The following CADM2 variants were observed in gnomAD, a reference collection of about 807,000 sequenced individuals.
CADM2 encodes the protein immunoglobulin superfamily member 4D.
A neutral mutation model predicts 49.8 loss-of-function variants in CADM2; 12 were observed. The ratio of observed to expected loss-of-function variants is 0.24; its 90% CI spans 0.15 to 0.39. The LOEUF (loss-of-function observed/expected upper bound fraction) is 0.39, where lower values mean the gene tolerates loss of function less well. Among genes scored for constraint, CADM2 ranks in the 10% least tolerant of loss-of-function variants. The pLI is 1.00. For missense variants in CADM2, 378 were observed against 492.3 expected, an observed-to-expected ratio of 0.77 and a Z score of 2.20; for synonymous variants, 214 against 175.4, an observed-to-expected ratio of 1.22 and a Z score of -1.74.
At chr3:85,047,515 T>C (rs865839108) in intron 1 of CADM2, among the ~76,000 whole-genome samples, 4 of 152,144 alleles carry the variant, frequency 2.6e-5, no homozygotes, top group Admixed American at 6.6e-5. Flanking sequence ...AGCAAGACCC[T>C]GCAATGTGTG....
chr3:86,009,550 A>G (rs974902918), intron 8 of CADM2, among the ~76,000 whole-genome samples: 3 of 151,844 alleles, frequency 2.0e-5, no homozygotes, highest in African/African-American at 7.2e-5. Flanking sequence ...TAGTTATATA[A>G]CATATTTTGT....
intron 1 of CADM2, among the ~76,000 whole-genome samples, chr3:85,398,986 G>A (rs1038148316): frequency 2.0e-5 from 3 of 151,980 alleles, no homozygotes; most frequent in African/African-American, 7.3e-5. Context: ...TCTTTTGCTG[G>A]CCAGAAGCTC....
chr3:85,558,133 GAA>G lies in CADM2; in HGVS notation c.62-168387_62-168386del, dbSNP rs780750430. On this transcript the variant is annotated intron_variant, in intron 1 of 9. Transcript: ENST00000383699. ...TGTGAGTGTGTGTGTGTGTAAGAGA[GAA>G]AGGCGTTATGTTCTCTTTGTTTCTC... Among the ~76,000 whole-genome samples the G allele has an allele frequency of 2.6e-4, 40 of 152,066 alleles. No individual in the cohort carries two copies. The East Asian group carries it at 4.6e-3, about 18-fold the overall frequency.
intron 1 of CADM2, among the ~76,000 whole-genome samples, chr3:85,661,852 C>G (rs1294182530): frequency 1.3e-5 from 2 of 151,906 alleles, no homozygotes; most frequent in African/African-American, 2.4e-5. Flanking sequence ...TAGTCAATAA[C>G]AATTTTAAGT....
intron 1 of CADM2, among the ~76,000 whole-genome samples, chr3:85,383,503 C>CATATATATATATATAT (rs1241135851): frequency 2.3e-4 from 25 of 109,238 alleles, no homozygotes; most frequent in Non-Finnish European, 3.6e-4. Flanking sequence ...TACATAAAAC[C>CATATATATATATATAT]ATATATATAT....
chr3:85,057,500 GTT>G lies in CADM2; in HGVS notation c.61+97833_61+97834del, dbSNP rs1444717527. 5.9e-5 allele frequency among the ~76,000 whole-genome samples: 9 copies of G among 152,108 alleles called. No individual in the cohort carries two copies. The East Asian group carries it at 1.7e-3, about 30-fold the overall frequency. ...ACTAACATCATATACTAACTTTGAT[GTT>G]AGTTACTAACTTTGATGTTAGTTAC... is the stretch of plus-strand genomic sequence containing the variant. On this transcript the variant is annotated intron_variant, in intron 1 of 9. Coordinates refer to ENST00000383699, the MANE Select transcript of CADM2 (RefSeq NM_001167675.2).
intron 8 of CADM2, among the ~76,000 whole-genome samples, chr3:86,045,265 C>T (rs548146585): frequency 6.6e-6 from 1 of 152,002 alleles, no homozygotes; most frequent in Admixed American, 6.6e-5. Context: ...TACTTATTAC[C>T]ATGGGAACTG....
intron 1 of CADM2, among the ~76,000 whole-genome samples, chr3:85,663,682 A>T (rs2065477947): frequency 6.6e-6 from 1 of 151,978 alleles, no homozygotes; most frequent in Admixed American, 6.6e-5. Flanking sequence ...TTCCTCCATC[A>T]GATGTTTTCA....
intron 1 of CADM2, among the ~76,000 whole-genome samples, chr3:85,417,103 A>T (rs2035952541): frequency 6.6e-6 from 1 of 152,176 alleles, no homozygotes; most frequent in Non-Finnish European, 1.5e-5. Flanking sequence ...CTTAAAAAAA[A>T]CTTTATAAAA....
At chr3:85,062,696 C>G (rs1455901246) in intron 1 of CADM2, among the ~76,000 whole-genome samples, 1 of 151,700 alleles carries the variant, frequency 6.6e-6, no homozygotes, top group African/African-American at 2.4e-5. Context: ...ATAAATATGA[C>G]AATTTTATTT....
intron 1 of CADM2, among the ~76,000 whole-genome samples, chr3:85,098,126 G>T (rs1323592828): frequency 6.6e-6 from 1 of 152,064 alleles, no homozygotes; most frequent in Non-Finnish European, 1.5e-5. Flanking sequence ...GTCTTTGTCT[G>T]CATGATAAAA....
At chr3:85,055,548 T>G (rs960167179) in intron 1 of CADM2, among the ~76,000 whole-genome samples, 1 of 152,078 alleles carries the variant, frequency 6.6e-6, no homozygotes, top group Non-Finnish European at 1.5e-5. Flanking sequence ...CTTACACATT[T>G]TATATGCATA....
intron 1 of CADM2, among the ~76,000 whole-genome samples, chr3:85,179,011 C>G (rs2040858003): frequency 1.3e-5 from 2 of 151,880 alleles, no homozygotes; most frequent in Non-Finnish European, 2.9e-5. Flanking sequence ...TACTATACAT[C>G]TCCATGACTA....
chr3:85,231,526 TAGTC>T (rs373178469), intron 1 of CADM2, among the ~76,000 whole-genome samples: 383 of 152,198 alleles, frequency 2.5e-3, no homozygotes, highest in African/African-American at 7.9e-3. Flanking sequence ...TAAGATATTA[TAGTC>T]AATATTTCTC....
intron 1 of CADM2, among the ~76,000 whole-genome samples, chr3:85,066,606 A>T (rs1044287651): frequency 1.3e-5 from 2 of 152,028 alleles, no homozygotes; most frequent in African/African-American, 4.8e-5. Flanking sequence ...CAGGCTGCTG[A>T]ATGCTCGTCT....
chr3:85,925,825 G>C (rs1481563872), intron 6 of CADM2, among the ~76,000 whole-genome samples: 2 of 152,096 alleles, frequency 1.3e-5, no homozygotes, highest in East Asian at 3.9e-4. Context: ...GACAGAGATA[G>C]ATAGATAGAT....
intron 1 of CADM2, among the ~76,000 whole-genome samples, chr3:85,530,461 G>C (rs1287917221): frequency 4.0e-5 from 6 of 149,816 alleles, no homozygotes; most frequent in African/African-American, 1.5e-4. Flanking sequence ...CTCCCAAGTC[G>C]CTGGGACTAC....
chr3:85,850,946 T>A (rs755209783), intron 3 of CADM2, among the ~76,000 whole-genome samples: 3 of 152,100 alleles, frequency 2.0e-5, no homozygotes, highest in Non-Finnish European at 4.4e-5. Flanking sequence ...ACTGTAGCAA[T>A]GGGAGGGACA....
At chr3:85,694,777 A>G (rs752200721) in intron 1 of CADM2, among the ~76,000 whole-genome samples, 1 of 152,070 alleles carries the variant, frequency 6.6e-6, no homozygotes, top group Non-Finnish European at 1.5e-5. Flanking sequence ...AATCGTTTCC[A>G]TAGTTATTTC....
Sources: allele counts gnomAD v4.1 joint callset (sites outside exome capture counted in the v4.1 genomes callset), GRCh38; gene constraint gnomAD v4.1.1; transcripts MANE v1.5; gene names NCBI Gene and HGNC (gene_info 2026-07-23, HGNC 2026-07-21).